The following OXR1 variants were observed in gnomAD, a reference collection of about 807,000 sequenced individuals.
The protein encoded by OXR1 is oxidation resistance protein 1.
Under a neutral mutation model 104.6 loss-of-function variants are expected in OXR1, and 41 were observed. The observed-to-expected ratio is 0.39, with a 90% CI of 0.31 to 0.51. The LOEUF (loss-of-function observed/expected upper bound fraction) is 0.51, where lower values mean the gene tolerates loss of function less well. Ranked by LOEUF, OXR1 falls within the 20% of genes least tolerant of loss-of-function variation. OXR1 has a pLI of 0.77. For missense variants in OXR1, 955 were observed against 1,031.9 expected (o/e 0.93, Z 1.02); for synonymous variants, 348 against 348.4 (o/e 1.00, Z 0.01).
At chr8:106,526,217 T>A (rs1813650276) in intron 3 of OXR1, among the ~76,000 whole-genome samples, 2 of 152,326 alleles carry the variant, frequency 1.3e-5, no homozygotes, top group Non-Finnish European at 1.5e-5. Context: ...TTGTCTCAGC[T>A]CTAACTGGGA....
At chr8:106,588,398 C>G (rs1000086032) in intron 3 of OXR1, among the ~76,000 whole-genome samples, 2 of 151,900 alleles carry the variant, frequency 1.3e-5, no homozygotes, top group South Asian at 2.1e-4. Flanking sequence ...CACTGAAGCT[C>G]TTCTTTAATG....
intron 2 of OXR1, among the ~76,000 whole-genome samples, chr8:106,399,721 A>G (rs1284954832): frequency 1.3e-5 from 2 of 152,186 alleles, no homozygotes; most frequent in African/African-American, 2.4e-5. Flanking sequence ...AACAGGTGCT[A>G]CTATCATCTG....
chr8:106,388,424 CTT>C (rs754817003), intron 2 of OXR1, among the ~76,000 whole-genome samples: 2 of 142,574 alleles, frequency 1.4e-5, no homozygotes, highest in Non-Finnish European at 3.1e-5. Context: ...ACTTTCAGTT[CTT>C]TTTTTTTTTT....
intron 2 of OXR1, 27 bp downstream of exon 2, chr8:106,359,663 A>T (rs888904972): frequency 4.7e-6 from 7 of 1,502,918 alleles, no homozygotes; most frequent in Non-Finnish European, 6.3e-6. Flanking sequence ...CTTGCCTTAA[A>T]TGTAAATGAA....
rs116968511 is a variant in OXR1 at position 106,424,950 on chromosome 8, G to A, written c.23+65314G>A. Among the ~76,000 whole-genome samples, 1,272 of 151,582 alleles carry A rather than the reference G, an allele frequency of 8.4e-3. 8 individuals are homozygous for A. Among genetic ancestry groups the A allele is most frequent in the Non-Finnish European group, 0.014 (948 of 67,886 alleles). ...TCTCCTCAAGATTGAGTTATTTAGC[G>A]TATTTTGAACTATTGCTTTCATCAT... On this transcript the variant is annotated intron_variant, in intron 2 of 16. Transcript: ENST00000517566.
intron 3 of OXR1, among the ~76,000 whole-genome samples, chr8:106,545,909 T>C (rs906639226): frequency 6.6e-6 from 1 of 151,894 alleles, no homozygotes. Context: ...GGCAGGAGAA[T>C]TGCTTGAACC....
chr8:106,523,510 T>C (rs1813411477), intron 3 of OXR1, among the ~76,000 whole-genome samples: 1 of 152,154 alleles, frequency 6.6e-6, no homozygotes, highest in South Asian at 2.1e-4. Flanking sequence ...ACTTATAGAA[T>C]GGAATATTCT....
chr8:106,426,701 T>C (rs1269501396), intron 2 of OXR1, among the ~76,000 whole-genome samples: 1 of 152,212 alleles, frequency 6.6e-6, no homozygotes, highest in Admixed American at 6.5e-5. Context: ...CCTCAGTCTC[T>C]TTATAAAATT....
chr8:106,745,261 A>G (rs1348934168), intron 15 of OXR1, among the ~76,000 whole-genome samples: 1 of 152,226 alleles, frequency 6.6e-6, no homozygotes, highest in Non-Finnish European at 1.5e-5. Context: ...GGATTTCTCA[A>G]ATGATTTTAA....
intron 3 of OXR1, among the ~76,000 whole-genome samples, chr8:106,600,901 T>G (rs991053873): frequency 6.6e-6 from 1 of 152,166 alleles, no homozygotes; most frequent in African/African-American, 2.4e-5. Flanking sequence ...GAGCTATCCT[T>G]TCCTGGGGCT....
At chr8:106,408,007 AG>A (rs1235892744) in intron 2 of OXR1, among the ~76,000 whole-genome samples, 1 of 152,170 alleles carries the variant, frequency 6.6e-6, no homozygotes, top group East Asian at 1.9e-4. Context: ...TAGGAGAAAT[AG>A]AGGAATGTCT....
At chr8:106,583,055 G>T (rs143974073) in intron 3 of OXR1, among the ~76,000 whole-genome samples, 62 of 152,188 alleles carry the variant, frequency 4.1e-4, no homozygotes, top group African/African-American at 1.4e-3. Flanking sequence ...TGTTAGGAGG[G>T]AGTTTTTTTT....
chr8:106,324,351 G>A (rs1814367428), intron 1 of OXR1, among the ~76,000 whole-genome samples: 1 of 152,068 alleles, frequency 6.6e-6, no homozygotes, highest in Non-Finnish European at 1.5e-5. Flanking sequence ...AGACCCTGGG[G>A]TCTACTTGAG....
intron 3 of OXR1, among the ~76,000 whole-genome samples, chr8:106,586,527 G>C (rs1486918863): frequency 2.0e-5 from 3 of 152,188 alleles, no homozygotes; most frequent in African/African-American, 7.2e-5. Context: ...GAATAAACTA[G>C]CTGGCTATTT....
At chr8:106,450,510 A>G (rs1414499331) in intron 2 of OXR1, among the ~76,000 whole-genome samples, 1 of 152,200 alleles carries the variant, frequency 6.6e-6, no homozygotes, top group African/African-American at 2.4e-5. Flanking sequence ...AATACGAAGC[A>G]GGAAAAGAGA....
chr8:106,448,894 T>C (rs1820155113), intron 2 of OXR1, among the ~76,000 whole-genome samples: 1 of 152,198 alleles, frequency 6.6e-6, no homozygotes, highest in Admixed American at 6.5e-5. Context: ...ATTGATGTTG[T>C]TAACATCATT....
At chr8:106,493,768 T>C (rs1047061256) in intron 2 of OXR1, among the ~76,000 whole-genome samples, 1 of 152,128 alleles carries the variant, frequency 6.6e-6, no homozygotes, top group African/African-American at 2.4e-5. Flanking sequence ...TTTATGGTTA[T>C]TATAAGAGAG....
intron 3 of OXR1, among the ~76,000 whole-genome samples, chr8:106,649,508 C>T (rs1824368702): frequency 6.8e-6 from 1 of 147,108 alleles, no homozygotes; most frequent in South Asian, 2.1e-4. Context: ...TTCAATGAGA[C>T]CAGAAATTAC....
intron 3 of OXR1, among the ~76,000 whole-genome samples, chr8:106,539,352 C>A (rs570034237): frequency 6.6e-6 from 1 of 152,260 alleles, no homozygotes; most frequent in South Asian, 2.1e-4. Flanking sequence ...ATGCCCGTTC[C>A]ATATTGTCAA....
Sources: allele counts gnomAD v4.1 joint callset (sites outside exome capture counted in the v4.1 genomes callset), GRCh38; gene constraint gnomAD v4.1.1; transcripts MANE v1.5; gene names NCBI Gene and HGNC (gene_info 2026-07-23, HGNC 2026-07-21).